CUX1: variants seen among roughly 807,000 people sequenced by gnomAD.
CUX1 encodes protein CASP.
In CUX1, 31 loss-of-function variants were observed where a neutral mutation model predicts 158.8. The ratio of observed to expected loss-of-function variants is 0.20; its 90% CI spans 0.15 to 0.26. CUX1 has a LOEUF of 0.26. Ranked by LOEUF, CUX1 falls within the 10% of genes least tolerant of loss-of-function variation. The probability of loss-of-function intolerance (pLI) is 1.00; values close to 1 mark genes in which losing one functional copy is unlikely to be tolerated. For missense variants in CUX1, 1,589 were observed against 2,014.6 expected, an observed-to-expected ratio of 0.79 and a Z score of 4.04; for synonymous variants, 879 against 862.1, an observed-to-expected ratio of 1.02 and a Z score of -0.34.
At chr7:102,089,833 C>T (rs892911717) in intron 4 of CUX1, among the ~76,000 whole-genome samples, 1 of 152,208 alleles carries the variant, frequency 6.6e-6, no homozygotes, top group Non-Finnish European at 1.5e-5. Flanking sequence ...CTTCAATGGA[C>T]AGGGAGACCA....
Position 102,196,694 on chromosome 7 carries a change from C to G in CUX1, c.1283C>G (p.Ala428Gly). ...AGTCGGCGCCCGGGATCTTTGCCGG[C>G]CCCCCCTCCTTCTCAGTTGCCCCGC... ...PESRRPGSLP[A>G]PPPSQLPRNP... Residue 428 changes from alanine to glycine, a missense_variant, in exon 15 of 24, where the codon GCC becomes GGC. Transcript: ENST00000292535. 3 of 1,603,882 alleles carry G rather than the reference C, an allele frequency of 1.9e-6. No individual in the cohort carries two copies. Among genetic ancestry groups the G allele is most frequent in the Non-Finnish European group, 1.7e-6 (2 of 1,174,184 alleles).
At chr7:101,873,574 A>G (rs981029332) in intron 1 of CUX1, among the ~76,000 whole-genome samples, 1 of 152,144 alleles carries the variant, frequency 6.6e-6, no homozygotes, top group Non-Finnish European at 1.5e-5. Flanking sequence ...GAAACATTTT[A>G]GGTTTCTCTA....
In CUX1 at chr7:102,233,028, G is replaced by A. The variant is rs538159765; in HGVS notation, c.3434-1024G>A. Among the ~76,000 whole-genome samples the A allele has an allele frequency of 3.8e-3, 577 of 152,230 alleles. 3 individuals carry two copies. The highest frequency in any genetic ancestry group is 0.013 in the African/African-American group (533 of 41,532). On this transcript the variant is annotated intron_variant, in intron 21 of 23. Coordinates refer to ENST00000292535, the MANE Select transcript of CUX1 (RefSeq NM_181552.4). ...AACCTTGCTAATTGTGGAAGGAGAC[G>A]CAGGTTGCCCTCTGATTTGAGGTTG...
Position 101,888,752 on chromosome 7 carries a change from G to A in CUX1, c.31-27363G>A, listed in dbSNP as rs540243792. ...TTACAGGTGCACACCACTATACCCA[G>A]CTAATTTTTGTATTTTTGGTAGAGT... On this transcript the variant is annotated intron_variant, in intron 1 of 23. Transcript: ENST00000292535. Among the ~76,000 whole-genome samples the A allele has an allele frequency of 2.0e-5, 3 of 152,058 alleles. No homozygotes were observed. The East Asian group carries it at 5.9e-4, about 30-fold the overall frequency.
chr7:102,257,977 A>C lies in CUX1; in HGVS notation c.*8935A>C, dbSNP rs1209881279. Reference sequence around the variant, plus strand: ...TGTGACATCTCTCTGGTAACATTTTATTTCTTGCTATTTGTTTTTCTACAT... The same window carrying C: ...TGTGACATCTCTCTGGTAACATTTTCTTTCTTGCTATTTGTTTTTCTACAT... On this transcript the variant is annotated 3_prime_UTR_variant, in exon 24 of 24. Transcript: ENST00000292535. 2.1e-6 allele frequency: 2 copies of C among 950,152 alleles called. No individual in the cohort carries two copies. Among genetic ancestry groups the C allele is most frequent in the East Asian group, 2.6e-4 (2 of 7,716 alleles). 58.9% of individuals were successfully genotyped at this position (950,152 alleles called of 1,614,324 possible).
chr7:102,240,405 A>G (rs73187854), intron 23 of CUX1, among the ~76,000 whole-genome samples: 31,189 of 152,040 alleles, frequency 0.21, 3,798 homozygotes, highest in Non-Finnish European at 0.28. Context: ...AGTAGCTAGG[A>G]TGCCAATGCA....
At chr7:101,851,829 C>CTTT (rs59542926) in intron 1 of CUX1, among the ~76,000 whole-genome samples, 6 of 144,834 alleles carry the variant, frequency 4.1e-5, no homozygotes, top group South Asian at 2.2e-4. Flanking sequence ...TTTCTTCTCT[C>CTTT]TTTTTTTTTT....
chr7:101,845,619 C>T (rs1254359935), intron 1 of CUX1, among the ~76,000 whole-genome samples: 2 of 152,190 alleles, frequency 1.3e-5, no homozygotes, highest in East Asian at 3.8e-4. Flanking sequence ...ACTTACATGG[C>T]ACATCGTACA....
At chr7:102,154,714 A>T (rs906148919) in intron 8 of CUX1, among the ~76,000 whole-genome samples, 4 of 152,226 alleles carry the variant, frequency 2.6e-5, no homozygotes, top group Admixed American at 6.5e-5. Context: ...AATATAAAAG[A>T]AAAGTTAAAT....
intron 1 of CUX1, among the ~76,000 whole-genome samples, chr7:101,836,476 C>T (rs1167632243): frequency 1.3e-5 from 2 of 152,094 alleles, no homozygotes; most frequent in East Asian, 3.9e-4. Context: ...TCCCTTCCCC[C>T]AACCCCACCT....
intron 2 of CUX1, among the ~76,000 whole-genome samples, chr7:101,920,125 TG>T (rs1460592186): frequency 2.3e-5 from 2 of 86,886 alleles, no homozygotes; most frequent in Non-Finnish European, 4.7e-5. Context: ...TATTTTTATG[TG>T]TTTTTTTTTT....
chr7:101,956,864 G>A (rs959940329), intron 2 of CUX1, among the ~76,000 whole-genome samples: 1 of 152,150 alleles, frequency 6.6e-6, no homozygotes, highest in Non-Finnish European at 1.5e-5. Context: ...CGGGAGGATC[G>A]CTTGAGCCAG....
At chr7:102,262,264 C>G (rs769769777), downstream of CUX1, among the ~76,000 whole-genome samples, 3 of 152,124 alleles carry the variant, frequency 2.0e-5, no homozygotes, top group African/African-American at 7.2e-5. Context: ...ATTAGCCAGG[C>G]GTGGTGGCAG....
intron 2 of CUX1, among the ~76,000 whole-genome samples, chr7:101,944,198 G>T (rs550765073): frequency 2.0e-5 from 3 of 152,060 alleles, no homozygotes; most frequent in Non-Finnish European, 4.4e-5. Flanking sequence ...AGAAAGGGGC[G>T]CAGTGGGCTG....
chr7:102,090,723 C>T (rs553576837), intron 4 of CUX1, among the ~76,000 whole-genome samples: 6 of 151,050 alleles, frequency 4.0e-5, no homozygotes, highest in African/African-American at 1.5e-4. Flanking sequence ...TCAGAAGATC[C>T]TGCATTTCTT....
chr7:101,886,676 T>C (rs1316740460), intron 1 of CUX1, among the ~76,000 whole-genome samples: 1 of 152,108 alleles, frequency 6.6e-6, no homozygotes, highest in East Asian at 1.9e-4. Context: ...GGATAGCCCA[T>C]GCCAGCCTCA....
intron 2 of CUX1, among the ~76,000 whole-genome samples, chr7:101,941,582 T>G (rs747052365): frequency 6.6e-5 from 10 of 152,228 alleles, no homozygotes; most frequent in Non-Finnish European, 1.0e-4. Context: ...CTTTTCTTGC[T>G]GAGATTGTGG....
intron 2 of CUX1, among the ~76,000 whole-genome samples, chr7:101,924,430 G>T (rs1323438733): frequency 1.3e-5 from 2 of 152,132 alleles, no homozygotes; most frequent in East Asian, 3.9e-4. Flanking sequence ...AGTCACCAGG[G>T]CTCCATGGCC....
At chr7:102,091,792 A>G (rs983470008) in intron 4 of CUX1, among the ~76,000 whole-genome samples, 10 of 152,068 alleles carry the variant, frequency 6.6e-5, no homozygotes, top group Admixed American at 2.0e-4. Flanking sequence ...GTCTTGCTCT[A>G]TCACCCAGGC....
Sources: gnomAD v4.1 joint callset for allele counts (sites outside exome capture counted in the v4.1 genomes callset) on GRCh38, gnomAD v4.1.1 for gene constraint, MANE v1.5 for transcripts, NCBI Gene and HGNC (gene_info 2026-07-23, HGNC 2026-07-21) for gene names.